PLCG2: variants seen among roughly 807,000 people sequenced by gnomAD.
The protein encoded by PLCG2 is 1-phosphatidylinositol 4,5-bisphosphate phosphodiesterase gamma-2.
Under a neutral mutation model 175.6 loss-of-function variants are expected in PLCG2, and 69 were observed. The ratio of observed to expected loss-of-function variants is 0.39; its 90% confidence interval spans 0.32 to 0.48. The LOEUF (loss-of-function observed/expected upper bound fraction) is 0.48, where lower values mean the gene tolerates loss of function less well. Among genes scored for constraint, PLCG2 ranks in the 20% least tolerant of loss-of-function variants. The pLI, the probability that PLCG2 is intolerant of heterozygous loss-of-function variation, is 0.91. For missense variants in PLCG2, 1,798 were observed against 1,650.9 expected (o/e 1.09, Z -1.54); for synonymous variants, 827 against 624.0 (o/e 1.33, Z -4.85).
chr16:81,786,249 C>T (rs1567463239), intron 2 of PLCG2, 67 bp downstream of exon 2: 1 of 1,279,734 alleles, frequency 7.8e-7, no homozygotes, highest in Non-Finnish European at 1.1e-6. Flanking sequence ...ACCTGTCCAC[C>T]TTCCTGTCTT....
At chr16:81,882,258 C>T (rs1456324653) in intron 8 of PLCG2, among the ~76,000 whole-genome samples, 1 of 152,152 alleles carries the variant, frequency 6.6e-6, no homozygotes, top group Non-Finnish European at 1.5e-5. Context: ...TTTCTGGTGG[C>T]CTGCTGGCCA....
chr16:81,839,476 A>T (rs58899768), intron 2 of PLCG2, among the ~76,000 whole-genome samples: 10,436 of 152,206 alleles, frequency 0.069, 411 homozygotes, highest in Non-Finnish European at 0.085. Flanking sequence ...CTGTATATAA[A>T]GTAATGAGCC....
intron 2 of PLCG2, among the ~76,000 whole-genome samples, chr16:81,771,682 C>T (rs1910284697): frequency 6.6e-6 from 1 of 151,560 alleles, no homozygotes; most frequent in Non-Finnish European, 1.5e-5. Context: ...CCCCCCCAAC[C>T]CCCCACCCAA....
chr16:81,871,149 G>C (rs999914874), intron 7 of PLCG2, among the ~76,000 whole-genome samples: 1 of 152,168 alleles, frequency 6.6e-6, no homozygotes, highest in African/African-American at 2.4e-5. Context: ...TAGAGAAATG[G>C]TGTTCATATG....
intron 23 of PLCG2, among the ~76,000 whole-genome samples, chr16:81,928,201 C>T (rs996048378): frequency 1.3e-5 from 2 of 152,018 alleles, no homozygotes; most frequent in Non-Finnish European, 2.9e-5. Flanking sequence ...GGTTCTTGAG[C>T]CGGGCTTTAG....
At position 81,910,705 on chromosome 16, in the gene PLCG2, C is replaced by T. The variant is rs760763002; in HGVS notation, c.1919C>T (p.Pro640Leu). The T allele has an allele frequency of 3.7e-6, 6 of 1,609,746 alleles. No individual in the cohort carries two copies. The East Asian group carries it at 6.7e-5, about 18-fold the overall frequency. ...ACGGACCCTGTGCCCAACCCCAACC[C>T]CCACGAGTCCAAGCCGTACGTGTCT... ...RLTDPVPNPN[P>L]HESKPWYYDS... Residue 640 changes from proline to leucine, a missense_variant, in exon 18 of 33, where the codon CCC (proline) becomes CTC (leucine). Physicochemically the swap from Pro to Leu is moderately conservative, Grantham distance 98. Transcript: ENST00000564138.
intron 31 of PLCG2, among the ~76,000 whole-genome samples, chr16:81,953,500 C>G (rs1911449224): frequency 1.3e-5 from 2 of 151,740 alleles, no homozygotes; most frequent in African/African-American, 4.8e-5. Flanking sequence ...TTTTTCCCCC[C>G]AACAAACAGG....
At chr16:81,878,128 G>A (rs766803414) in intron 7 of PLCG2, among the ~76,000 whole-genome samples, 57 of 151,546 alleles carry the variant, frequency 3.8e-4, no homozygotes, top group Middle Eastern at 3.4e-3. Context: ...GACTACAGGC[G>A]CCCACCACCA....
At chr16:81,848,751 A>G (rs2143453822) in intron 2 of PLCG2, among the ~76,000 whole-genome samples, 1 of 152,258 alleles carries the variant, frequency 6.6e-6, no homozygotes, top group East Asian at 1.9e-4. Flanking sequence ...GGTGGAGCTC[A>G]GTGGTGAAGA....
At chr16:81,926,893 G>A (rs922716682) in intron 22 of PLCG2, among the ~76,000 whole-genome samples, 189 bp from the exon 23 acceptor site, 4 of 152,140 alleles carry the variant, frequency 2.6e-5, no homozygotes, top group Admixed American at 6.5e-5. Context: ...TAACTCATTA[G>A]TAATTAAAAA....
chr16:81,865,417 G>C (rs1005917048), intron 5 of PLCG2, among the ~76,000 whole-genome samples: 1 of 152,152 alleles, frequency 6.6e-6, no homozygotes, highest in African/African-American at 2.4e-5. Flanking sequence ...GGGTGAGGCT[G>C]TCCCAGAGCT....
intron 5 of PLCG2, among the ~76,000 whole-genome samples, chr16:81,865,024 G>C (rs1387809727): frequency 1.3e-5 from 2 of 152,154 alleles, no homozygotes; most frequent in Admixed American, 1.3e-4. Flanking sequence ...AGGCTTACTA[G>C]GGAGTGCAGG....
chr16:81,780,883 T>A (rs757601532), intron 1 of PLCG2, among the ~76,000 whole-genome samples: 1 of 151,978 alleles, frequency 6.6e-6, no homozygotes, highest in Non-Finnish European at 1.5e-5. Context: ...AAAAATTACC[T>A]GGGCGTGGTG....
chr16:81,749,287 A>G (rs1909761159), intron 1 of PLCG2, among the ~76,000 whole-genome samples: 1 of 152,156 alleles, frequency 6.6e-6, no homozygotes, highest in African/African-American at 2.4e-5. Context: ...AAATCACTTG[A>G]TTGATTTTTG....
chr16:81,788,265 C>A (rs577799032), intron 2 of PLCG2, among the ~76,000 whole-genome samples: 1 of 152,202 alleles, frequency 6.6e-6, no homozygotes, highest in East Asian at 1.9e-4. Flanking sequence ...AGGTTTATTT[C>A]TGAGCTGAAG....
chr16:81,803,957 A>G (rs1343951788), intron 2 of PLCG2, among the ~76,000 whole-genome samples: 1 of 152,214 alleles, frequency 6.6e-6, no homozygotes, highest in Non-Finnish European at 1.5e-5. Flanking sequence ...CTGGGATTAC[A>G]GGTATGAGCC....
Position 81,958,024 on chromosome 16 carries a change from TTG to T in PLCG2, c.*35_*36del, listed in dbSNP as rs1328224705. On this transcript the variant is annotated 3_prime_UTR_variant, in exon 33 of 33. Coordinates refer to ENST00000564138, the MANE Select transcript of PLCG2 (RefSeq NM_002661.5). Reference sequence around the variant, plus strand: ...AAGCTGGGGTATGTGTGTAAGGGTATTGTGTGTGTGCGCATGTGTGTTTGCAT... The same window carrying T: ...AAGCTGGGGTATGTGTGTAAGGGTATTGTGTGTGCGCATGTGTGTTTGCAT... 3.9e-6 allele frequency: 6 copies of T among 1,547,884 alleles called. No homozygotes were observed. The highest frequency in any genetic ancestry group is 5.4e-6 in the Non-Finnish European group (6 of 1,119,356).
At position 81,770,256 on chromosome 16, in the gene PLCG2, C is replaced by T. The variant is rs79068706; in HGVS notation, c.-48+14290C>T. ...CAGGACTCGCCTGGGTGCTGCTCAT[C>T]ACCACCTTCCCAAGGGCAACCGTTC... On this transcript the variant is annotated intron_variant, in intron 2 of 5. Coordinates refer to the PLCG2 transcript ENST00000565054. 7.2e-4 allele frequency among the ~76,000 whole-genome samples: 109 copies of T among 152,210 alleles called. 1 individual carries two copies. In the East Asian group the frequency reaches 0.02, roughly 28 times the overall value.
At chr16:81,752,289 C>A (rs369922932) in intron 1 of PLCG2, among the ~76,000 whole-genome samples, 1 of 152,018 alleles carries the variant, frequency 6.6e-6, no homozygotes, top group Non-Finnish European at 1.5e-5. Context: ...TCCAGCTTCC[C>A]CAGGTGGAAG....
Sources: gnomAD v4.1 joint callset for allele counts (sites outside exome capture counted in the v4.1 genomes callset) on GRCh38, gnomAD v4.1.1 for gene constraint, MANE v1.5 for transcripts, NCBI Gene and HGNC (gene_info 2026-07-23, HGNC 2026-07-21) for gene names.